Variants in HGSNAT observed in about 807,000 individuals in gnomAD.
HGSNAT encodes the protein transmembrane protein 76.
HGSNAT carries 59 observed loss-of-function variants against 85.2 expected under a neutral mutation model. The ratio of observed to expected loss-of-function variants is 0.69; its 90% CI spans 0.56 to 0.86. The LOEUF (loss-of-function observed/expected upper bound fraction) is 0.86, where lower values mean the gene tolerates loss of function less well. HGSNAT is among the 40% of genes least tolerant of loss of function. HGSNAT has a pLI of 0.00. For missense variants in HGSNAT, 756 were observed against 777.1 expected (o/e 0.97, Z 0.32); for synonymous variants, 321 against 304.5 (o/e 1.05, Z -0.56).
At chr8:43,164,746 C>T (rs1803379201) in intron 5 of HGSNAT, among the ~76,000 whole-genome samples, 1 of 152,156 alleles carries the variant, frequency 6.6e-6, no homozygotes, top group Non-Finnish European at 1.5e-5. Context: ...CGCGCTACTG[C>T]ACTCCAGCCT....
chr8:43,188,217 A>T (rs973619756), intron 11 of HGSNAT, among the ~76,000 whole-genome samples: 1 of 152,180 alleles, frequency 6.6e-6, no homozygotes, highest in African/African-American at 2.4e-5. Flanking sequence ...AAGTTCTCCT[A>T]GATAATATCC....
At chr8:43,156,793 G>GT (rs1803108588) in intron 2 of HGSNAT, among the ~76,000 whole-genome samples, 1 of 151,880 alleles carries the variant, frequency 6.6e-6, no homozygotes, top group Non-Finnish European at 1.5e-5. Context: ...TCTTTTTACA[G>GT]TTTTTGGCTT....
At chr8:43,172,611 TA>T (rs1355346957) in intron 8 of HGSNAT, among the ~76,000 whole-genome samples, 1 of 152,218 alleles carries the variant, frequency 6.6e-6, no homozygotes, top group African/African-American at 2.4e-5. Flanking sequence ...AGCTTCACTG[TA>T]ATAACAGACT....
In HGSNAT at chr8:43,170,936, C is replaced by T. The variant is rs549113302; in HGVS notation, c.743+242C>T. 3.2e-4 allele frequency among the ~76,000 whole-genome samples: 49 copies of T among 152,320 alleles called. 1 individual carries two copies. The highest frequency in any genetic ancestry group is 3.4e-3 in the Middle Eastern group (1 of 294). ...GCCAGAGCCAGTGTCCACTTGGATA[C>T]GTGGTCTGCTGAGTGAAGGGCATTT... On this transcript the variant is annotated intron_variant, in intron 7 of 17. Coordinates refer to ENST00000379644, the MANE Select transcript of HGSNAT (RefSeq NM_152419.3).
rs568991180 is a variant in HGSNAT, at chr8:43,140,567, C to G, written c.71C>G (p.Ala24Gly). 2 of 1,220,538 alleles carry G rather than the reference C, an allele frequency of 1.6e-6. No individual in the cohort carries two copies. The highest frequency in any genetic ancestry group is 2.5e-5 in the South Asian group (1 of 39,458). 75.6% of individuals were successfully genotyped at this position (1,220,538 alleles called of 1,614,324 possible). ...AASVLSAALL[A>G]PGGSSGRDAQ... ...TCCGTGCTGAGCGCCGCGCTGCTGG[C>G]CCCCGGCGGCTCTTCGGGGCGCGAT... Residue 24 changes from alanine to glycine, a missense_variant, in exon 1 of 18, where the codon GCC (alanine) becomes GGC (glycine). Coordinates refer to ENST00000379644, the MANE Select transcript of HGSNAT (RefSeq NM_152419.3).
In HGSNAT at chr8:43,140,535, G is replaced by C. The variant is rs1335563220; in HGVS notation, c.39G>C (p.Leu13=). The C allele has an allele frequency of 3.5e-6, 4 of 1,137,340 alleles. No homozygotes were observed. Among genetic ancestry groups the C allele is most frequent in the Non-Finnish European group, 2.2e-6 (2 of 930,170 alleles). The allele number at this position is 1,137,340 out of a possible 1,614,324, so 70.5% of individuals were successfully genotyped here. ...GAGRALAALL[L]AASVLSAALL... ...GCAGGGCGCTGGCCGCGCTGCTGCTGGCCGCGTCCGTGCTGAGCGCCGCGC... is the reference window on the plus strand; with the variant it reads ...GCAGGGCGCTGGCCGCGCTGCTGCTCGCCGCGTCCGTGCTGAGCGCCGCGC... The change falls in exon 1 of 18, where the codon CTG becomes CTC. Residue 13 remains leucine (L), a synonymous_variant. Coordinates refer to ENST00000379644, the MANE Select transcript of HGSNAT (RefSeq NM_152419.3).
chr8:43,187,813 G>A (rs773858855), intron 11 of HGSNAT, among the ~76,000 whole-genome samples: 4 of 152,092 alleles, frequency 2.6e-5, no homozygotes, highest in Non-Finnish European at 5.9e-5. Flanking sequence ...GTGCTTCCTT[G>A]AGGAGCTCTT....
intron 11 of HGSNAT, among the ~76,000 whole-genome samples, chr8:43,189,684 C>T (rs565481502): frequency 6.6e-6 from 1 of 152,306 alleles, no homozygotes; most frequent in South Asian, 2.1e-4. Context: ...CATCTGTCTT[C>T]TGCGTCGCTC....
chr8:43,157,288 G>A (rs1230491731), intron 2 of HGSNAT, among the ~76,000 whole-genome samples: 1 of 152,032 alleles, frequency 6.6e-6, no homozygotes, highest in Non-Finnish European at 1.5e-5. Context: ...TTAATGCTGT[G>A]ATATAAATAT....
At chr8:43,196,672 CG>C (rs1804738256) in intron 14 of HGSNAT, 3 of 636,288 alleles carry the variant, frequency 4.7e-6, no homozygotes, top group Non-Finnish European at 7.9e-6. Context: ...CCTCTTCCTG[CG>C]GGGACCCTCT....
rs773361163 is a variant in HGSNAT at position 43,193,835 on chromosome 8, G to A, written c.1456G>A (p.Gly486Arg). 5 of 1,613,380 alleles carry A rather than the reference G, an allele frequency of 3.1e-6. No individual in the cohort carries two copies. In the African/African-American group the frequency reaches 6.7e-5, roughly 22 times the overall value. The change falls in exon 14 of 18, where the codon GGA (glycine) becomes AGA (arginine). Residue 486 changes from glycine to arginine, a missense_variant. By Grantham distance (125) the Gly-to-Arg change is moderately radical (BLOSUM62 -2). Transcript: ENST00000379644. Reference sequence around the variant, plus strand: ...CAACTCCATCGTGATGGCCTTTTTAGGAGTTCAGGTATTTGTTCATTTCAT... The same window carrying A: ...CAACTCCATCGTGATGGCCTTTTTAAGAGTTCAGGTATTTGTTCATTTCAT... ...TINSIVMAFL[G>R]VQAGKILLYY...
chr8:43,192,790 G>A (rs544858635), intron 13 of HGSNAT, among the ~76,000 whole-genome samples: 5 of 151,804 alleles, frequency 3.3e-5, no homozygotes, highest in Non-Finnish European at 5.9e-5. Context: ...AAAAAAAAAA[G>A]CAAGTGAGAA....
intron 2 of HGSNAT, among the ~76,000 whole-genome samples, chr8:43,151,518 A>T (rs946501620): frequency 6.6e-6 from 1 of 152,234 alleles, no homozygotes; most frequent in Non-Finnish European, 1.5e-5. Flanking sequence ...GTAGATAATT[A>T]AAAAATTCCT....
At chr8:43,164,964 T>C (rs1803387008) in intron 5 of HGSNAT, among the ~76,000 whole-genome samples, 1 of 151,686 alleles carries the variant, frequency 6.6e-6, no homozygotes, top group African/African-American at 2.4e-5. Context: ...TTATTGACCT[T>C]ATTGACCTCC....
intron 10 of HGSNAT, among the ~76,000 whole-genome samples, chr8:43,179,252 C>T (rs1444363465): frequency 6.6e-6 from 1 of 151,332 alleles, no homozygotes; most frequent in Non-Finnish European, 1.5e-5. Context: ...GACCCCCCCA[C>T]CACCCTCCCG....
In HGSNAT at chr8:43,170,660, C is replaced by T. The variant is rs749113924; in HGVS notation, c.709C>T (p.Pro237Ser). The change falls in exon 7 of 18, where the codon CCG (proline) becomes TCG (serine). Residue 237 changes from proline to serine, a missense_variant. By Grantham distance (74) the Pro-to-Ser change is moderately conservative (BLOSUM62 -1). Transcript: ENST00000379644. ...AGCAACGTGGCGTCTATCTGCCCTGCCGCCCCGCCTCCGCAGCGTGGACAC... is the reference window on the plus strand; with the variant it reads ...AGCAACGTGGCGTCTATCTGCCCTGTCGCCCCGCCTCCGCAGCGTGGACAC... ...QPATWRLSAL[P>S]PRLRSVDTFR... The T allele has an allele frequency of 3.7e-6, 6 of 1,607,592 alleles. No individual in the cohort carries two copies. In the South Asian group the frequency reaches 6.7e-5, roughly 18 times the overall value.
At chr8:43,197,442 A>G in intron 15 of HGSNAT, 1 of 569,472 alleles carries the variant, frequency 1.8e-6, no homozygotes, top group South Asian at 2.3e-5. Context: ...CTGTCATTTA[A>G]TCAGTAAGCT....
intron 8 of HGSNAT, among the ~76,000 whole-genome samples, chr8:43,172,629 G>T (rs1033944171): frequency 6.6e-6 from 1 of 152,200 alleles, no homozygotes; most frequent in Non-Finnish European, 1.5e-5. Context: ...GACTCTAGAA[G>T]TTTCTGCTGT....
intron 1 of HGSNAT, among the ~76,000 whole-genome samples, chr8:43,145,734 G>C (rs1802692679): frequency 6.6e-6 from 1 of 151,856 alleles, no homozygotes; most frequent in South Asian, 2.1e-4. Flanking sequence ...CTGGGTGACA[G>C]AGCAAGACTC....
Sources: allele counts gnomAD v4.1 joint callset (sites outside exome capture counted in the v4.1 genomes callset), GRCh38; gene constraint gnomAD v4.1.1; transcripts MANE v1.5; gene names NCBI Gene and HGNC (gene_info 2026-07-23, HGNC 2026-07-21).